Variants in NKAIN3 observed in about 807,000 individuals in gnomAD.
NKAIN3 encodes sodium/potassium-transporting ATPase subunit beta-1-interacting protein 3.
Under a neutral mutation model 30.2 loss-of-function variants are expected in NKAIN3, and 25 were observed. The observed-to-expected ratio is 0.83, with a 90% CI of 0.60 to 1.16. The LOEUF is 1.16. Among genes scored for constraint, NKAIN3 ranks in the 50% most tolerant of loss-of-function variants. NKAIN3 has a pLI of 0.00. For missense variants in NKAIN3, 225 were observed against 254.1 expected (o/e 0.89, Z 0.78); for synonymous variants, 91 against 89.6 (o/e 1.02, Z -0.09).
intron 4 of NKAIN3, among the ~76,000 whole-genome samples, chr8:62,876,099 AG>A (rs1175681002): frequency 6.6e-6 from 1 of 152,246 alleles, no homozygotes; most frequent in Non-Finnish European, 1.5e-5. Context: ...TGTAATATCC[AG>A]AATTTACAAG....
At chr8:62,300,624 A>G (rs1000061159) in intron 1 of NKAIN3, among the ~76,000 whole-genome samples, 1 of 152,168 alleles carries the variant, frequency 6.6e-6, no homozygotes, top group South Asian at 2.1e-4. Flanking sequence ...TTATTTGGCC[A>G]AAATAATTCC....
rs71255371 is a variant in NKAIN3 at position 62,919,227 on chromosome 8, A to ATTTTTTTTTTTTTTTTTTTTTTTT, written c.532+726_532+749dup. Among the ~76,000 whole-genome samples the ATTTTTTTTTTTTTTTTTTTTTTTT allele has an allele frequency of 8.5e-5, 4 of 47,186 alleles. 1 individual carries two copies. The highest frequency in any genetic ancestry group is 1.4e-4 in the Non-Finnish European group (4 of 27,834). The allele number at this position is 47,186 out of a possible 152,430, so 31.0% of individuals were successfully genotyped here. A position where few individuals can be genotyped will look rare whatever the true frequency, so the allele number is the denominator to read the frequency against. Reference sequence around the variant, plus strand: ...TCACTTTTTTTTATTTACTTTCAAAATTTTTTTTTTTTTTTTTTTTTTTTT... The same window carrying ATTTTTTTTTTTTTTTTTTTTTTTT: ...TCACTTTTTTTTATTTACTTTCAAAATTTTTTTTTTTTTTTTTTTTTTTTTTTTTTTTTTTTTTTTTTTTTTTTT... On this transcript the variant is annotated intron_variant, in intron 5 of 6. Coordinates refer to ENST00000623646, the MANE Select transcript of NKAIN3 (RefSeq NM_001304533.3).
rs1490090988 is a variant in NKAIN3 at position 62,982,090 on chromosome 8, G to A, written c.*16683G>A. On this transcript the variant is annotated 3_prime_UTR_variant, in exon 7 of 7. Transcript: ENST00000623646. ...AACTCATATAAAAATCTAAACTACA[G>A]TTTTATGGGGATAGTTAAGGTAAGA... 2.6e-5 allele frequency: 4 copies of A among 152,100 alleles called. No individual in the cohort carries two copies. The highest frequency in any genetic ancestry group is 5.9e-5 in the Non-Finnish European group (4 of 68,024). The allele number at this position is 152,100 out of a possible 1,614,324, so 9.4% of individuals were successfully genotyped here.
intron 2 of NKAIN3, among the ~76,000 whole-genome samples, chr8:62,581,823 T>TCTTTCCTA (rs1810306676): frequency 7.1e-5 from 2 of 28,156 alleles, no homozygotes; most frequent in Non-Finnish European, 1.7e-4. Flanking sequence ...CTTCTTTACT[T>TCTTTCCTA]CCTTCCCTCT....
chr8:62,692,162 C>T (rs1279964458), intron 3 of NKAIN3, among the ~76,000 whole-genome samples: 1 of 152,186 alleles, frequency 6.6e-6, no homozygotes, highest in East Asian at 1.9e-4. Context: ...TCACATTTCT[C>T]ATTCTGTTGG....
At chr8:62,985,914 A>T (rs538545613), downstream of NKAIN3, among the ~76,000 whole-genome samples, 3 of 152,360 alleles carry the variant, frequency 2.0e-5, no homozygotes, top group Admixed American at 6.5e-5. Context: ...ACAACAACAT[A>T]AAAATTCATA....
intron 4 of NKAIN3, among the ~76,000 whole-genome samples, chr8:62,891,024 C>T (rs1460370942): frequency 6.6e-6 from 1 of 152,110 alleles, no homozygotes; most frequent in Non-Finnish European, 1.5e-5. Context: ...CTTCTGAAGG[C>T]CAATGGGCAG....
At chr8:62,882,020 A>T (rs1442776273) in intron 4 of NKAIN3, among the ~76,000 whole-genome samples, 1 of 152,158 alleles carries the variant, frequency 6.6e-6, no homozygotes, top group Non-Finnish European at 1.5e-5. Flanking sequence ...AACATCTTGT[A>T]TTTGCCTACT....
chr8:62,700,343 C>A (rs988119053), intron 3 of NKAIN3, among the ~76,000 whole-genome samples: 4 of 152,180 alleles, frequency 2.6e-5, no homozygotes, highest in Non-Finnish European at 5.9e-5. Context: ...CACGCAGATT[C>A]CACATCTTGT....
chr8:62,521,185 T>C (rs1808143768), intron 1 of NKAIN3, among the ~76,000 whole-genome samples: 1 of 152,042 alleles, frequency 6.6e-6, no homozygotes, highest in East Asian at 2.0e-4. Flanking sequence ...TCCTGAAGGA[T>C]AGCGGATCGC....
At chr8:62,816,282 G>T (rs1818676804) in intron 4 of NKAIN3, among the ~76,000 whole-genome samples, 1 of 152,160 alleles carries the variant, frequency 6.6e-6, no homozygotes, top group Admixed American at 6.6e-5. Flanking sequence ...TGTATGATTT[G>T]TTCAGCTGTA....
chr8:62,602,618 C>G (rs936880363), intron 3 of NKAIN3, among the ~76,000 whole-genome samples: 1 of 152,024 alleles, frequency 6.6e-6, no homozygotes, highest in Admixed American at 6.6e-5. Context: ...CCAAAGCTGA[C>G]CTTGTTTTAG....
intron 4 of NKAIN3, among the ~76,000 whole-genome samples, chr8:62,870,743 C>CTATATATCTA (rs1820614966): frequency 1.8e-5 from 2 of 109,702 alleles, no homozygotes; most frequent in African/African-American, 4.1e-5. Context: ...CTATATATAT[C>CTATATATCTA]TAGATATCTA....
At chr8:62,803,911 AT>A (rs1818170900) in intron 4 of NKAIN3, among the ~76,000 whole-genome samples, 1 of 152,196 alleles carries the variant, frequency 6.6e-6, no homozygotes, top group Non-Finnish European at 1.5e-5. Context: ...AATAGACGCA[AT>A]AAAAAATGAT....
intron 3 of NKAIN3, among the ~76,000 whole-genome samples, chr8:62,729,598 A>T (rs997531001): frequency 3.3e-5 from 5 of 152,092 alleles, no homozygotes; most frequent in Non-Finnish European, 5.9e-5. Flanking sequence ...TATAATAGAC[A>T]TATGATATAT....
At chr8:62,956,935 T>C (rs1289545147) in intron 6 of NKAIN3, among the ~76,000 whole-genome samples, 1 of 152,188 alleles carries the variant, frequency 6.6e-6, no homozygotes, top group African/African-American at 2.4e-5. Context: ...CCCTGAGAAA[T>C]AACAATTGAG....
chr8:62,878,040 C>CCAA (rs1554587457), intron 4 of NKAIN3, among the ~76,000 whole-genome samples: 2 of 113,736 alleles, frequency 1.8e-5, no homozygotes, highest in Non-Finnish European at 3.5e-5. Context: ...AACTCCATCT[C>CCAA]AAAAAAAAAA....
chr8:62,617,232 A>T (rs1172060688), intron 3 of NKAIN3, among the ~76,000 whole-genome samples: 6 of 152,164 alleles, frequency 3.9e-5, no homozygotes, highest in Admixed American at 1.3e-4. Context: ...TCTTTATAGC[A>T]ATGCAAGAAT....
chr8:62,678,335 G>A (rs965486882), intron 3 of NKAIN3, among the ~76,000 whole-genome samples: 3 of 152,166 alleles, frequency 2.0e-5, no homozygotes, highest in Non-Finnish European at 4.4e-5. Flanking sequence ...TATTTGTGCT[G>A]CAGTGAATTA....
Sources: gnomAD v4.1 joint callset for allele counts (sites outside exome capture counted in the v4.1 genomes callset) on GRCh38, gnomAD v4.1.1 for gene constraint, MANE v1.5 for transcripts, NCBI Gene and HGNC (gene_info 2026-07-23, HGNC 2026-07-21) for gene names.